The following THSD7B variants were observed in gnomAD, a reference collection of about 807,000 sequenced individuals.
THSD7B encodes thrombospondin type-1 domain-containing protein 7B.
THSD7B carries 138 observed loss-of-function variants against 213.6 expected under a neutral mutation model. That is an observed-to-expected ratio of 0.65 (90% CI 0.56 to 0.74). The LOEUF (loss-of-function observed/expected upper bound fraction) is 0.74, where lower values mean the gene tolerates loss of function less well. THSD7B is among the 30% of genes least tolerant of loss of function. The pLI is 0.00. For synonymous variants in THSD7B, 742 were observed against 687.0 expected, an observed-to-expected ratio of 1.08 and a Z score of -1.25; for missense variants, 1,931 against 1,991.5, an observed-to-expected ratio of 0.97 and a Z score of 0.58.
chr2:137,538,009 A>G (rs74594386), intron 15 of THSD7B, among the ~76,000 whole-genome samples: 25,274 of 151,656 alleles, frequency 0.17, 2,235 homozygotes, highest in South Asian at 0.28. Flanking sequence ...AGAGGGGACC[A>G]GTAGGGACAA....
chr2:136,971,695 A>T (rs1685407846), intron 2 of THSD7B, among the ~76,000 whole-genome samples: 1 of 151,618 alleles, frequency 6.6e-6, no homozygotes, highest in East Asian at 1.9e-4. Flanking sequence ...ATACATATGT[A>T]TATATATTAT....
At chr2:136,855,637 ATTTT>A (rs1474258695) in intron 1 of THSD7B, among the ~76,000 whole-genome samples, 1 of 149,536 alleles carries the variant, frequency 6.7e-6, no homozygotes, top group Admixed American at 6.7e-5. Flanking sequence ...TTATTTATTT[ATTTT>A]TTGTATTTTT....
At chr2:137,069,920 A>AAT (rs1488815666) in intron 3 of THSD7B, among the ~76,000 whole-genome samples, 1 of 151,046 alleles carries the variant, frequency 6.6e-6, no homozygotes, top group African/African-American at 2.4e-5. Context: ...TATCTGTGGA[A>AAT]ATATATATGT....
At chr2:137,598,556 G>A (rs1682008759) in intron 17 of THSD7B, among the ~76,000 whole-genome samples, 1 of 152,132 alleles carries the variant, frequency 6.6e-6, no homozygotes, top group East Asian at 1.9e-4. Flanking sequence ...AGTTATAACT[G>A]CTCAAAACTC....
At chr2:137,413,287 G>A (rs191727501) in intron 14 of THSD7B, among the ~76,000 whole-genome samples, 94 of 152,194 alleles carry the variant, frequency 6.2e-4, no homozygotes, top group African/African-American at 2.2e-3. Flanking sequence ...TTGTATGTGC[G>A]CATTGGTTTA....
intron 7 of THSD7B, among the ~76,000 whole-genome samples, chr2:137,219,339 T>A (rs1200852428): frequency 1.3e-5 from 2 of 152,144 alleles, no homozygotes; most frequent in Non-Finnish European, 2.9e-5. Flanking sequence ...AGATTTGTTT[T>A]CCCAAGTACA....
chr2:137,082,764 T>G (rs1197577292), intron 3 of THSD7B, among the ~76,000 whole-genome samples: 1 of 152,140 alleles, frequency 6.6e-6, no homozygotes, highest in Non-Finnish European at 1.5e-5. Flanking sequence ...CATATCATTC[T>G]TAGTACTCTG....
At chr2:137,193,191 T>C (rs933977207) in intron 7 of THSD7B, among the ~76,000 whole-genome samples, 4 of 152,104 alleles carry the variant, frequency 2.6e-5, no homozygotes, top group African/African-American at 9.7e-5. Context: ...GGTTAAATAT[T>C]TGGAATATCA....
At chr2:136,777,639 G>T (rs1022369557) in intron 1 of THSD7B, among the ~76,000 whole-genome samples, 10 of 152,114 alleles carry the variant, frequency 6.6e-5, no homozygotes, top group African/African-American at 2.4e-4. Flanking sequence ...TTTTAAAGCT[G>T]CCAAAATAAC....
At chr2:137,188,446 G>C (rs1680593948) in intron 7 of THSD7B, among the ~76,000 whole-genome samples, 1 of 151,438 alleles carries the variant, frequency 6.6e-6, no homozygotes, top group African/African-American at 2.4e-5. Flanking sequence ...ATTAGTTCCA[G>C]GGCCTCCTAA....
chr2:137,196,794 G>A (rs555395048), intron 7 of THSD7B, among the ~76,000 whole-genome samples: 11 of 152,160 alleles, frequency 7.2e-5, no homozygotes, highest in African/African-American at 2.2e-4. Context: ...ATTCTGTCAC[G>A]AAGATATCTC....
At chr2:137,627,003 G>C in intron 20 of THSD7B, among the ~76,000 whole-genome samples, 1 of 152,186 alleles carries the variant, frequency 6.6e-6, no homozygotes, top group East Asian at 1.9e-4. Context: ...TGATTCTGGT[G>C]CCTGGAAAGT....
chr2:137,162,280 AT>A (rs1194190638), intron 6 of THSD7B, among the ~76,000 whole-genome samples: 1 of 152,094 alleles, frequency 6.6e-6, no homozygotes, highest in Non-Finnish European at 1.5e-5. Flanking sequence ...ATTAGGTTCA[AT>A]TTAAGGTAGT....
rs377679879 is a variant in THSD7B, at chr2:136,788,303, A to G, written c.-36+22616A>G. ...AGAAAGGACTTCTTCCAATTGGAGT[A>G]TGGTTCTGCTCTGAGGTTAATACTA... On this transcript the variant is annotated intron_variant, in intron 1 of 27. Transcript: ENST00000409968. Among the ~76,000 whole-genome samples the G allele has an allele frequency of 3.9e-5, 6 of 152,192 alleles. No homozygotes were observed. The East Asian group carries it at 1.2e-3, about 29-fold the overall frequency.
At chr2:137,024,525 A>G (rs911863225) in intron 2 of THSD7B, among the ~76,000 whole-genome samples, 1 of 152,162 alleles carries the variant, frequency 6.6e-6, no homozygotes, top group Non-Finnish European at 1.5e-5. Context: ...TTGATTTCAA[A>G]TTGAAGAGGA....
intron 12 of THSD7B, among the ~76,000 whole-genome samples, chr2:137,277,648 G>A (rs1472641033): frequency 6.6e-6 from 1 of 152,050 alleles, no homozygotes; most frequent in Non-Finnish European, 1.5e-5. Context: ...GGTAAACTAG[G>A]TCATAATATA....
chr2:137,078,868 T>G (rs1687685723), intron 3 of THSD7B, among the ~76,000 whole-genome samples: 1 of 152,208 alleles, frequency 6.6e-6, no homozygotes, highest in South Asian at 2.1e-4. Flanking sequence ...TCAAGGTTTG[T>G]TAAATGTAAG....
intron 15 of THSD7B, among the ~76,000 whole-genome samples, chr2:137,562,874 A>G (rs1241197908): frequency 2.6e-5 from 4 of 152,120 alleles, no homozygotes; most frequent in African/African-American, 4.8e-5. Flanking sequence ...AATACAATAT[A>G]CCATACAATT....
chr2:136,857,450 G>A (rs569700519), intron 1 of THSD7B, among the ~76,000 whole-genome samples: 4 of 152,328 alleles, frequency 2.6e-5, no homozygotes, highest in Admixed American at 6.5e-5. Context: ...AACTGCCAAA[G>A]TGTTAAAGCA....
Sources: gnomAD v4.1 joint callset for allele counts (sites outside exome capture counted in the v4.1 genomes callset) on GRCh38, gnomAD v4.1.1 for gene constraint, MANE v1.5 for transcripts, NCBI Gene and HGNC (gene_info 2026-07-23, HGNC 2026-07-21) for gene names.